The following FUBP1 variants were observed in gnomAD, a reference collection of about 807,000 sequenced individuals.
The protein encoded by FUBP1 is far upstream element binding protein 1.
FUBP1 carries 16 observed loss-of-function variants against 94.9 expected under a neutral mutation model. The observed-to-expected ratio is 0.17, with a 90% CI of 0.11 to 0.26. FUBP1 has a LOEUF of 0.26. FUBP1 is among the 10% of genes least tolerant of loss of function. The pLI is 1.00. For missense variants in FUBP1, 583 were observed against 808.6 expected, an observed-to-expected ratio of 0.72 and a Z score of 3.38; for synonymous variants, 279 against 254.9, an observed-to-expected ratio of 1.09 and a Z score of -0.90.
At position 77,955,350 on chromosome 1, in the gene FUBP1, C is replaced by T. The variant is rs563934897; in HGVS notation, c.1706-21G>A. The stretch of plus-strand genomic sequence containing the variant: ...ATCTCCTTGTTCAAGCAAAACAAAA[C>T]AAAAAACAGAATTAAAGTTTTTAAA... On this transcript the variant is annotated intron_variant, in intron 17 of 19. Transcript: ENST00000370768. 9.0e-5 allele frequency: 134 copies of T among 1,492,948 alleles called. 3 individuals carry two copies. The South Asian group carries it at 1.0e-3, about 12-fold the overall frequency. The allele number at this position is 1,492,948 out of a possible 1,614,324, so 92.5% of individuals were successfully genotyped here. A position where few individuals can be genotyped will look rare whatever the true frequency, so the allele number is the denominator to read the frequency against.
chr1:77,978,395 AG>A (rs1158897310), intron 1 of FUBP1, among the ~76,000 whole-genome samples: 1 of 152,222 alleles, frequency 6.6e-6, no homozygotes, highest in Non-Finnish European at 1.5e-5. Context: ...TTCCTTGTAG[AG>A]GTGTGACGGT....
intron 2 of FUBP1, chr1:77,969,148 T>C: frequency 3.4e-6 from 2 of 581,770 alleles, no homozygotes; most frequent in Non-Finnish European, 5.6e-6. Flanking sequence ...CTCATTTTTT[T>C]TCTACATTAA....
rs546550370 is a variant in FUBP1, at chr1:77,953,927, T to G, written c.1780+1328A>C. 8.3e-4 allele frequency among the ~76,000 whole-genome samples: 127 copies of G among 152,298 alleles called. 1 individual carries two copies. Among genetic ancestry groups the G allele is most frequent in the African/African-American group, 2.9e-3 (120 of 41,554 alleles). On this transcript the variant is annotated intron_variant, in intron 18 of 19. Coordinates refer to ENST00000370768, the MANE Select transcript of FUBP1 (RefSeq NM_003902.5). Reference sequence around the variant, plus strand: ...TAACAAGCCTTTATTTTTACCTACTTAATAATAACTAGGGACCCTATCTAG... The same window carrying G: ...TAACAAGCCTTTATTTTTACCTACTGAATAATAACTAGGGACCCTATCTAG...
Position 77,948,722 on chromosome 1 carries a change from T to C in FUBP1, c.*44A>G. On this transcript the variant is annotated 3_prime_UTR_variant, in exon 20 of 20. Coordinates refer to ENST00000370768, the MANE Select transcript of FUBP1 (RefSeq NM_003902.5). ...CATCCATATATTTAACAAAGGTTTT[T>C]TTCCCCCACACAATGAAGCAAATAC... The C allele has an allele frequency of 6.3e-7, 1 of 1,592,896 alleles. No individual in the cohort carries two copies. The highest frequency in any genetic ancestry group is 8.5e-7 in the Non-Finnish European group (1 of 1,173,296).
At chr1:77,955,982 G>A (rs1010023399) in intron 17 of FUBP1, among the ~76,000 whole-genome samples, 2 of 152,080 alleles carry the variant, frequency 1.3e-5, no homozygotes, top group Non-Finnish European at 2.9e-5. Flanking sequence ...AGAATGACAG[G>A]TATTTCAAAA....
chr1:77,962,719 A>C (rs1029214148), intron 14 of FUBP1, 51 bp downstream of exon 14: 2 of 1,157,644 alleles, frequency 1.7e-6, no homozygotes, highest in Non-Finnish European at 2.5e-6. Flanking sequence ...TCTTAATTTA[A>C]CTACAGTCTA....
chr1:77,970,338 G>A (rs536222294), intron 1 of FUBP1, among the ~76,000 whole-genome samples: 2 of 152,264 alleles, frequency 1.3e-5, no homozygotes, highest in African/African-American at 4.8e-5. Flanking sequence ...TTCAAAAGAT[G>A]TGTGTAAACA....
At chr1:77,953,085 G>A (rs191102619) in intron 18 of FUBP1, among the ~76,000 whole-genome samples, 9 of 152,084 alleles carry the variant, frequency 5.9e-5, no homozygotes, top group Non-Finnish European at 1.2e-4. Flanking sequence ...GCACTGAGAC[G>A]AAATCGCACC....
intron 14 of FUBP1, among the ~76,000 whole-genome samples, chr1:77,961,270 T>C (rs981025055): frequency 1.3e-5 from 2 of 152,200 alleles, no homozygotes; most frequent in South Asian, 2.1e-4. Context: ...AGGCGACATG[T>C]TGGACAAAAT....
At position 77,960,426 on chromosome 1, in the gene FUBP1, G is replaced by A. The variant is rs779879390; in HGVS notation, c.1414C>T (p.Pro472Ser). The change falls in exon 15 of 20, where the codon CCT becomes TCT. Residue 472 changes from proline (P) to serine (S), a missense_variant. Coordinates refer to ENST00000370768, the MANE Select transcript of FUBP1 (RefSeq NM_003902.5). Reference protein sequence around the residue: ...PHGVPGPHGPPGPPGPGTPMG... With the variant: ...PHGVPGPHGPSGPPGPGTPMG... ...GGAGTTCCAGGCCCTGGAGGCCCAG[G>A]AGGTCCATGGGGGCCTGGGACACCA... 6.9e-6 allele frequency: 11 copies of A among 1,594,378 alleles called. No homozygotes were observed. Among genetic ancestry groups the A allele is most frequent in the Non-Finnish European group, 9.4e-6 (11 of 1,175,246 alleles).
At chr1:77,973,306 C>T (rs1300877358) in intron 1 of FUBP1, among the ~76,000 whole-genome samples, 2 of 152,122 alleles carry the variant, frequency 1.3e-5, no homozygotes, top group African/African-American at 2.4e-5. Context: ...AGTGCAGTGG[C>T]GTGATCTGGG....
chr1:77,959,710 T>C (rs574841464), intron 16 of FUBP1, among the ~76,000 whole-genome samples: 33 of 152,066 alleles, frequency 2.2e-4, no homozygotes, highest in Non-Finnish European at 4.3e-4. Context: ...TTAAAACAAA[T>C]TTTTTTAGAG....
chr1:77,978,755 G>T (rs550220396), intron 1 of FUBP1, 130 bp downstream of exon 1: 2 of 1,143,992 alleles, frequency 1.7e-6, no homozygotes, highest in East Asian at 2.4e-5. Flanking sequence ...ATGGGGAAAC[G>T]TGTCTCTTCA....
chr1:77,961,665 T>C (rs1571288929), intron 14 of FUBP1, among the ~76,000 whole-genome samples: 1 of 152,080 alleles, frequency 6.6e-6, no homozygotes, highest in Admixed American at 6.6e-5. Flanking sequence ...GACTACAGAG[T>C]CCATGCTCTT....
rs909323782 is a variant in FUBP1 at position 77,949,799 on chromosome 1, T to C, written c.1781-499A>G. Among the ~76,000 whole-genome samples, 5 of 152,192 alleles carry C rather than the reference T, an allele frequency of 3.3e-5. No individual in the cohort carries two copies. In the South Asian group the frequency reaches 1.0e-3, roughly 31 times the overall value. ...CACTTAAAGGCAATGATTTAAAGAC[T>C]GTATTAAGACCTAGCCAAGACTTTT... On this transcript the variant is annotated intron_variant, in intron 18 of 19. Coordinates refer to ENST00000370768, the MANE Select transcript of FUBP1 (RefSeq NM_003902.5).
chr1:77,956,532 A>C lies in FUBP1; in HGVS notation c.1705+40T>G, dbSNP rs1309246810. 6 of 1,512,038 alleles carry C rather than the reference A, an allele frequency of 4.0e-6. No individual in the cohort carries two copies. The African/African-American group carries it at 4.1e-5, about 10-fold the overall frequency. The allele number at this position is 1,512,038 out of a possible 1,614,324, so 93.7% of individuals were successfully genotyped here. On this transcript the variant is annotated intron_variant, in intron 17 of 19. Coordinates refer to ENST00000370768, the MANE Select transcript of FUBP1 (RefSeq NM_003902.5). ...ATGTACTTCATATATAATTCCAAGC[A>C]CAACTTTTGGCTTTCACATACAATA...
At chr1:77,963,537 TA>T (rs774650567) in intron 13 of FUBP1, 36 bp downstream of exon 13, 2 of 1,238,928 alleles carry the variant, frequency 1.6e-6, no homozygotes, top group South Asian at 2.6e-5. Context: ...GAAAAATGAA[TA>T]ATGTGTTAAA....
rs1482747300 is a variant in FUBP1, at chr1:77,963,722, A to C, written c.1042-7T>G. On this transcript the variant is annotated splice_polypyrimidine_tract_variant and splice_region_variant and intron_variant, in intron 12 of 19. Transcript: ENST00000370768. Reference sequence around the variant, plus strand: ...GTCCACCAGGATTACCAGCCTATAGAGAGGGAAAGACAAGAACGAAGAGTC... The same window carrying C: ...GTCCACCAGGATTACCAGCCTATAGCGAGGGAAAGACAAGAACGAAGAGTC... 6.3e-7 allele frequency: 1 copy of C among 1,594,692 alleles called. No individual in the cohort carries two copies.
At chr1:77,968,917 A>G (rs1258848251) in intron 2 of FUBP1, 2 of 404,330 alleles carry the variant, frequency 4.9e-6, no homozygotes, top group Non-Finnish European at 1.0e-5. Flanking sequence ...CAAAAATAAA[A>G]TATGCGCAGA....
Sources: allele counts gnomAD v4.1 joint callset (sites outside exome capture counted in the v4.1 genomes callset), GRCh38; gene constraint gnomAD v4.1.1; transcripts MANE v1.5; gene names NCBI Gene and HGNC (gene_info 2026-07-23, HGNC 2026-07-21).